The following ATXN3 variants were observed in gnomAD, a reference collection of about 807,000 sequenced individuals.
ATXN3 encodes the protein ataxin-3.
In ATXN3, 28 loss-of-function variants were observed where a neutral mutation model predicts 58.2. The ratio of observed to expected loss-of-function variants is 0.48; its 90% CI spans 0.36 to 0.66. The LOEUF (loss-of-function observed/expected upper bound fraction) is 0.66. Among genes scored for constraint, ATXN3 ranks in the 30% least tolerant of loss-of-function variants. The pLI is 0.00. For missense variants in ATXN3, 321 were observed against 422.1 expected (o/e 0.76, Z 2.10); for synonymous variants, 113 against 138.5 (o/e 0.82, Z 1.29).
chr14:92,102,784 T>A (rs963122057), intron 1 of ATXN3, among the ~76,000 whole-genome samples: 2 of 152,190 alleles, frequency 1.3e-5, no homozygotes, highest in African/African-American at 4.8e-5. Context: ...ACTAAGTAAC[T>A]TGCTCAGGAT....
intron 1 of ATXN3, among the ~76,000 whole-genome samples, chr14:92,101,700 A>C (rs971472528): frequency 2.0e-5 from 3 of 152,078 alleles, no homozygotes; most frequent in African/African-American, 7.2e-5. Context: ...TCTACTAAAA[A>C]TATAAGAATT....
chr14:92,079,717 G>C (rs1429097696), intron 9 of ATXN3, among the ~76,000 whole-genome samples: 1 of 152,080 alleles, frequency 6.6e-6, no homozygotes, highest in South Asian at 2.1e-4. Context: ...TATTTATCTT[G>C]TAATCTTTAA....
intron 10 of ATXN3, among the ~76,000 whole-genome samples, chr14:92,065,336 C>T (rs571789363): frequency 4.6e-5 from 7 of 152,322 alleles, no homozygotes; most frequent in Non-Finnish European, 8.8e-5. Context: ...TATGGATGTA[C>T]TACAGTTTGT....
chr14:92,096,745 G>A lies in ATXN3; in HGVS notation c.118C>T (p.Leu40=), dbSNP rs1364216508. 1 of 1,613,736 alleles carries A rather than the reference G, an allele frequency of 6.2e-7. No homozygotes were observed. The highest frequency in any genetic ancestry group is 2.2e-5 in the East Asian group (1 of 44,874). ...ATTCTCATCCTCTCCTCCTCATCCA[G>A]CTGATGTGCAATTGAGGATAATTCC... The part of the protein sequence containing the change: ...PVELSSIAHQ[L]DEEERMRMAE... Residue 40 remains leucine, a synonymous_variant, in exon 2 of 11, where the codon CTG becomes TTG. Transcript: ENST00000644486.
Position 92,079,106 on chromosome 14 carries a change from A to C in ATXN3, c.872+1859T>G, listed in dbSNP as rs747941607. ...GAGGCTGAAGTGGGAGAATCGCTTG[A>C]ACTCAGGAGGCAGAGGTTGCAGTGA... is the stretch of plus-strand genomic sequence containing the variant. On this transcript the variant is annotated intron_variant, in intron 9 of 10. Transcript: ENST00000644486. 1.1e-4 allele frequency among the ~76,000 whole-genome samples: 17 copies of C among 151,582 alleles called. 2 individuals carry two copies. In the Middle Eastern group the frequency reaches 0.01, roughly 92 times the overall value.
upstream of ATXN3, among the ~76,000 whole-genome samples, chr14:92,052,195 A>T (rs1366415932): frequency 6.6e-6 from 1 of 152,070 alleles, no homozygotes; most frequent in Admixed American, 6.5e-5. Context: ...AAAAAACAAA[A>T]AAAATGTTCG....
At chr14:92,090,502 A>T (rs1330657171) in intron 5 of ATXN3, 1 of 152,158 alleles carries the variant, frequency 6.6e-6, no homozygotes, top group Admixed American at 6.6e-5. Flanking sequence ...ATCATGACCA[A>T]CTACTTTTCC....
intron 3 of ATXN3, among the ~76,000 whole-genome samples, chr14:92,094,802 G>A (rs2064780198): frequency 1.3e-5 from 2 of 152,158 alleles, no homozygotes; most frequent in Admixed American, 6.5e-5. Flanking sequence ...AATAGGAAAC[G>A]CCAAGTGCTG....
At chr14:92,103,300 AC>A (rs1299783574) in intron 1 of ATXN3, among the ~76,000 whole-genome samples, 5 of 145,886 alleles carry the variant, frequency 3.4e-5, no homozygotes, top group Non-Finnish European at 4.6e-5. Context: ...AAAAACATGC[AC>A]AAATAAGAAT....
intron 5 of ATXN3, among the ~76,000 whole-genome samples, chr14:92,089,220 C>T (rs1178187626): frequency 6.6e-6 from 1 of 151,334 alleles, no homozygotes; most frequent in African/African-American, 2.4e-5. Context: ...ACATTTGCCA[C>T]ATTGGCCAGG....
chr14:92,091,865 T>C (rs1042669652), intron 5 of ATXN3, among the ~76,000 whole-genome samples: 8 of 150,936 alleles, frequency 5.3e-5, no homozygotes, highest in Admixed American at 2.6e-4. Flanking sequence ...TTTTTTTCTT[T>C]CATTTTTTTT....
upstream of ATXN3, among the ~76,000 whole-genome samples, chr14:92,050,804 C>T (rs768038730): frequency 3.9e-5 from 6 of 152,206 alleles, no homozygotes; most frequent in Non-Finnish European, 8.8e-5. Flanking sequence ...ACGTGCACCA[C>T]CACACCCGGC....
In ATXN3 at chr14:92,062,315, ATTTTC is replaced by A. The variant is rs1178773675; in HGVS notation, c.*2000_*2004del. On this transcript the variant is annotated 3_prime_UTR_variant, in exon 11 of 11. Coordinates refer to ENST00000644486, the MANE Select transcript of ATXN3 (RefSeq NM_004993.6). ...AGGAACTAAAAGTCAAACATGCCAT[ATTTTC>A]TTAAGTGCTTTAACTAGGGTATATA... is the stretch of plus-strand genomic sequence containing the variant. The A allele has an allele frequency of 2.6e-5, 4 of 152,118 alleles. No homozygotes were observed. The highest frequency in any genetic ancestry group is 9.7e-5 in the African/African-American group (4 of 41,434). The allele number at this position is 152,118 out of a possible 1,614,324, so 9.4% of individuals were successfully genotyped here. A position where few individuals can be genotyped will look rare whatever the true frequency, so the allele number is the denominator to read the frequency against.
upstream of ATXN3, among the ~76,000 whole-genome samples, chr14:92,053,134 C>T (rs2057454036): frequency 6.6e-6 from 1 of 152,146 alleles, no homozygotes; most frequent in Admixed American, 6.5e-5. Flanking sequence ...CCTGTAGTCC[C>T]AGCTACTCGG....
chr14:92,081,465 C>CAAAAAAAAAAA (rs58398762), intron 8 of ATXN3, among the ~76,000 whole-genome samples: 2 of 82,976 alleles, frequency 2.4e-5, no homozygotes, highest in African/African-American at 4.1e-5. Flanking sequence ...GACTCTGACT[C>CAAAAAAAAAAA]AAAAAAAAAA....
chr14:92,095,990 C>G lies in ATXN3; in HGVS notation c.234+103G>C, dbSNP rs527817146. 25 of 955,014 alleles carry G rather than the reference C, an allele frequency of 2.6e-5. No homozygotes were observed. The South Asian group carries it at 3.1e-4, about 12-fold the overall frequency. 59.2% of individuals were successfully genotyped at this position (955,014 alleles called of 1,614,324 possible). A position where few individuals can be genotyped will look rare whatever the true frequency, so the allele number is the denominator to read the frequency against. On this transcript the variant is annotated intron_variant, in intron 3 of 10. Coordinates refer to ENST00000644486, the MANE Select transcript of ATXN3 (RefSeq NM_004993.6). ...TAGAGTATAATCTATACTCTGTAGA[C>G]AGAAGAACTTCCGAAGGTCGCCTTG...
At position 92,082,298 on chromosome 14, in the gene ATXN3, A is replaced by G; in HGVS notation, c.775+2T>C. 1 of 1,612,588 alleles carries G rather than the reference A, an allele frequency of 6.2e-7. No homozygotes were observed. Among genetic ancestry groups the G allele is most frequent in the Non-Finnish European group, 8.5e-7 (1 of 1,179,228 alleles). Reference sequence around the variant, plus strand: ...ATACAACACACATCAGAATGTCTTTACCTTGCATACTTAGCTGAATAGCCC... The same window carrying G: ...ATACAACACACATCAGAATGTCTTTGCCTTGCATACTTAGCTGAATAGCCC... On this transcript the variant is annotated splice_donor_variant, in intron 8 of 10. Transcript: ENST00000644486. LOFTEE classifies it high-confidence loss of function.
At chr14:92,050,369 T>C (rs1274690760), upstream of ATXN3, 1 of 152,192 alleles carries the variant, frequency 6.6e-6, no homozygotes, top group East Asian at 1.9e-4. Flanking sequence ...GCTGAAGACA[T>C]CTCTTCCTTT....
chr14:92,099,546 T>C (rs2066240430), intron 1 of ATXN3, among the ~76,000 whole-genome samples: 1 of 152,212 alleles, frequency 6.6e-6, no homozygotes, highest in African/African-American at 2.4e-5. Context: ...ATTGAAGGGA[T>C]ATACAGATGT....
Sources: gnomAD v4.1 joint callset for allele counts (sites outside exome capture counted in the v4.1 genomes callset) on GRCh38, gnomAD v4.1.1 for gene constraint, MANE v1.5 for transcripts, NCBI Gene and HGNC (gene_info 2026-07-23, HGNC 2026-07-21) for gene names.